DNAH9: variants seen among roughly 807,000 people sequenced by gnomAD.
DNAH9 encodes DNAH9 variant protein.
Under a neutral mutation model 471.6 loss-of-function variants are expected in DNAH9, and 345 were observed. The observed-to-expected ratio is 0.73, with a 90% CI of 0.67 to 0.80. The LOEUF is 0.80. Ranked by LOEUF, DNAH9 falls within the 30% of genes least tolerant of loss-of-function variation. DNAH9 has a pLI of 0.00. For synonymous variants in DNAH9, 2,093 were observed against 2,123.6 expected (o/e 0.99, Z 0.40); for missense variants, 5,407 against 5,609.2 (o/e 0.96, Z 1.15).
At position 11,699,885 on chromosome 17, in the gene DNAH9, T is replaced by G; in HGVS notation, c.5025+2T>G. Reference sequence around the variant, plus strand: ...GAGCCCTGTGACTGCAGCGGGCAGGTAACACAGTAGCCCTTTCCCCTCCTT... The same window carrying G: ...GAGCCCTGTGACTGCAGCGGGCAGGGAACACAGTAGCCCTTTCCCCTCCTT... On this transcript the variant is annotated splice_donor_variant, in intron 23 of 68. Transcript: ENST00000262442. LOFTEE classifies it high-confidence loss of function. 1 of 1,613,980 alleles carries G rather than the reference T, an allele frequency of 6.2e-7. No homozygotes were observed. Among genetic ancestry groups the G allele is most frequent in the Non-Finnish European group, 8.5e-7 (1 of 1,179,884 alleles).
intron 21 of DNAH9, 147 bp downstream of exon 21, chr17:11,694,145 T>G: frequency 7.9e-7 from 1 of 1,262,160 alleles, no homozygotes; most frequent in South Asian, 1.4e-5. Flanking sequence ...GGGGCATTAT[T>G]AGAGGTGTTG....
At chr17:11,776,821 G>C (rs556002047) in intron 38 of DNAH9, among the ~76,000 whole-genome samples, 2 of 152,196 alleles carry the variant, frequency 1.3e-5, no homozygotes, top group South Asian at 4.2e-4. Flanking sequence ...TGACTACTGG[G>C]TAGTCATGCA....
chr17:11,932,478 G>A lies in DNAH9; in HGVS notation c.12297+273G>A, dbSNP rs1349712637. Among the ~76,000 whole-genome samples, 11 of 152,194 alleles carry A rather than the reference G, an allele frequency of 7.2e-5. No individual in the cohort carries two copies. Among genetic ancestry groups the A allele is most frequent in the Admixed American group, 7.2e-4 (11 of 15,280 alleles). On this transcript the variant is annotated intron_variant, in intron 64 of 68. Coordinates refer to ENST00000262442, the MANE Select transcript of DNAH9 (RefSeq NM_001372.4). The surrounding 1 kb of genome is among the most constrained non-coding windows in gnomAD (Gnocchi z 4.3). Reference sequence around the variant, plus strand: ...AGCCCATGCATCAACATCATTGGCAGGACCTGGGAGCTAGTTAGAAATGCA... The same window carrying A: ...AGCCCATGCATCAACATCATTGGCAAGACCTGGGAGCTAGTTAGAAATGCA...
chr17:11,877,789 T>G (rs1005202693), intron 53 of DNAH9, among the ~76,000 whole-genome samples: 6 of 152,134 alleles, frequency 3.9e-5, no homozygotes, highest in South Asian at 2.1e-4. Flanking sequence ...TAGATAGATA[T>G]AGTGGCGCTA....
rs779951765 is a variant in DNAH9 at position 11,822,455 on chromosome 17, C to G, written c.8868C>G (p.Ser2956=). Residue 2956 remains serine (S), a synonymous_variant, in exon 47 of 69, where the codon TCC becomes TCG. Coordinates refer to ENST00000262442, the MANE Select transcript of DNAH9 (RefSeq NM_001372.4). ...CTTCTCAGGTGACTCTCTGTTTCTC[C>G]CCTGTGGGAAACAAGCTAAGAGTCC... ...RRQLKVTLCF[S]PVGNKLRVRS... The G allele has an allele frequency of 1.2e-6, 2 of 1,614,050 alleles. No homozygotes were observed. The highest frequency in any genetic ancestry group is 1.7e-6 in the Non-Finnish European group (2 of 1,180,036).
intron 61 of DNAH9, among the ~76,000 whole-genome samples, chr17:11,915,974 G>A (rs989097713): frequency 6.6e-6 from 1 of 152,156 alleles, no homozygotes; most frequent in Admixed American, 6.6e-5. Flanking sequence ...AACTAGCACA[G>A]AGAAGTATTG....
chr17:11,731,137 A>C (rs984321771), intron 28 of DNAH9, among the ~76,000 whole-genome samples: 1 of 139,802 alleles, frequency 7.2e-6, no homozygotes, highest in African/African-American at 2.6e-5. Flanking sequence ...GACGTTGATA[A>C]TGACAGTGAT....
At chr17:11,867,045 C>G (rs1972084289) in intron 50 of DNAH9, among the ~76,000 whole-genome samples, 1 of 152,244 alleles carries the variant, frequency 6.6e-6, no homozygotes, top group African/African-American at 2.4e-5. Flanking sequence ...TGCCCACTCT[C>G]TGGCACTTCC....
intron 49 of DNAH9, among the ~76,000 whole-genome samples, chr17:11,847,403 G>C (rs1263219727): frequency 6.6e-6 from 1 of 152,098 alleles, no homozygotes; most frequent in Non-Finnish European, 1.5e-5. Flanking sequence ...TAAGGAAGGG[G>C]TCCAGTTTTA....
At chr17:11,667,978 A>G (rs1231920093) in intron 15 of DNAH9, among the ~76,000 whole-genome samples, 1 of 152,252 alleles carries the variant, frequency 6.6e-6, no homozygotes, top group Non-Finnish European at 1.5e-5. Context: ...TATCCAGCCC[A>G]TAACGGGCTC....
intron 43 of DNAH9, among the ~76,000 whole-genome samples, chr17:11,804,009 G>A (rs372016859): frequency 1.2e-4 from 18 of 152,288 alleles, no homozygotes; most frequent in African/African-American, 4.3e-4. Flanking sequence ...CACCCCAAAT[G>A]TGGAGCTCAT....
intron 20 of DNAH9, among the ~76,000 whole-genome samples, chr17:11,690,917 AT>A (rs2074324071): frequency 6.6e-6 from 1 of 152,110 alleles, no homozygotes; most frequent in African/African-American, 2.4e-5. Flanking sequence ...CAAACAATGG[AT>A]TCCCCTAAAA....
intron 45 of DNAH9, among the ~76,000 whole-genome samples, chr17:11,817,861 A>G (rs1447613185): frequency 6.6e-6 from 1 of 152,084 alleles, no homozygotes; most frequent in Non-Finnish European, 1.5e-5. Context: ...AAAACAGTAA[A>G]TGATCACTTT....
chr17:11,885,550 A>G (rs1972854538), intron 56 of DNAH9, among the ~76,000 whole-genome samples: 1 of 152,238 alleles, frequency 6.6e-6, no homozygotes, highest in Non-Finnish European at 1.5e-5. Flanking sequence ...TTTCAACTCC[A>G]GTCTATTATT....
chr17:11,920,035 CTTTTTTTTT>C (rs1165405913), intron 61 of DNAH9, among the ~76,000 whole-genome samples: 65 of 135,952 alleles, frequency 4.8e-4, no homozygotes, highest in African/African-American at 1.6e-3. Flanking sequence ...TAAGTTCTTT[CTTTTTTTTT>C]TTTTTTTGAG....
chr17:11,936,048 C>T (rs1974703519), intron 65 of DNAH9, among the ~76,000 whole-genome samples: 2 of 152,284 alleles, frequency 1.3e-5, no homozygotes, highest in South Asian at 4.1e-4. Context: ...TCTTATTCAG[C>T]AAGGGTGAAA....
chr17:11,813,750 C>A (rs1178905893), intron 45 of DNAH9, among the ~76,000 whole-genome samples: 1 of 152,160 alleles, frequency 6.6e-6, no homozygotes, highest in African/African-American at 2.4e-5. Context: ...TAAAATCAAA[C>A]CATGATAGTA....
chr17:11,760,762 C>T (rs941836079), intron 35 of DNAH9, among the ~76,000 whole-genome samples: 1 of 152,112 alleles, frequency 6.6e-6, no homozygotes, highest in Non-Finnish European at 1.5e-5. Flanking sequence ...TCGTGATCTG[C>T]CCTCCTCGGC....
chr17:11,729,670 G>C lies in DNAH9; in HGVS notation c.5814+1748G>C, dbSNP rs73292635. ...GGGATTGAGGGGAGGGTGGCAGAAG[G>C]GGGGTGGGAGGAAACATCATGCAAA... On this transcript the variant is annotated intron_variant, in intron 28 of 68. Transcript: ENST00000262442. Among the ~76,000 whole-genome samples the C allele has an allele frequency of 7.8e-3, 1,189 of 152,250 alleles. 12 individuals are homozygous for C. Among genetic ancestry groups the C allele is most frequent in the African/African-American group, 0.026 (1,069 of 41,556 alleles).
Sources: allele counts gnomAD v4.1 joint callset (sites outside exome capture counted in the v4.1 genomes callset), GRCh38; gene constraint gnomAD v4.1.1; non-coding constraint Gnocchi (gnomAD v3.1); transcripts MANE v1.5; gene names NCBI Gene and HGNC (gene_info 2026-07-23, HGNC 2026-07-21).